PRKG1: variants seen among roughly 807,000 people sequenced by gnomAD.
PRKG1 encodes the protein protein kinase cGMP-dependent 1, also known as cGMP-dependent protein kinase 1.
Under a neutral mutation model 88.1 loss-of-function variants are expected in PRKG1, and 35 were observed. The observed-to-expected ratio is 0.40, with a 90% CI of 0.30 to 0.53. The LOEUF (loss-of-function observed/expected upper bound fraction) is 0.53. Ranked by LOEUF, PRKG1 falls within the 20% of genes least tolerant of loss-of-function variation. The pLI is 0.59. For synonymous variants in PRKG1, 303 were observed against 292.5 expected, an observed-to-expected ratio of 1.04 and a Z score of -0.37; for missense variants, 540 against 839.8, an observed-to-expected ratio of 0.64 and a Z score of 4.41.
chr10:51,869,356 TG>T (rs1841098386), intron 4 of PRKG1, among the ~76,000 whole-genome samples: 1 of 152,004 alleles, frequency 6.6e-6, no homozygotes, highest in East Asian at 1.9e-4. Context: ...TTATCAATTG[TG>T]GTCCATTATG....
intron 4 of PRKG1, among the ~76,000 whole-genome samples, chr10:51,859,374 T>C (rs1840808494): frequency 6.7e-6 from 1 of 150,160 alleles, no homozygotes; most frequent in Admixed American, 6.6e-5. Flanking sequence ...TTTCTTCATG[T>C]GAAGAGAGTA....
intron 9 of PRKG1, among the ~76,000 whole-genome samples, chr10:52,175,351 A>G (rs1344308181): frequency 6.6e-6 from 1 of 152,066 alleles, no homozygotes; most frequent in Non-Finnish European, 1.5e-5. Flanking sequence ...TCTATTTTGT[A>G]TATATACCAC....
chr10:51,065,365 T>G (rs115437026), intron 1 of PRKG1, among the ~76,000 whole-genome samples: 1 of 151,724 alleles, frequency 6.6e-6, no homozygotes, highest in Admixed American at 6.6e-5. Flanking sequence ...ATTGAGAGAG[T>G]TGAAAAAAGT....
chr10:52,280,193 TG>T (rs1262599864), intron 12 of PRKG1, among the ~76,000 whole-genome samples: 1 of 152,186 alleles, frequency 6.6e-6, no homozygotes, highest in African/African-American at 2.4e-5. Flanking sequence ...AGATATTGTT[TG>T]TTTTGGATGC....
intron 3 of PRKG1, among the ~76,000 whole-genome samples, chr10:51,586,065 A>G (rs1324629810): frequency 1.3e-5 from 2 of 152,136 alleles, no homozygotes; most frequent in African/African-American, 4.8e-5. Flanking sequence ...TGATACCCCA[A>G]GCCTCGGTAT....
intron 3 of PRKG1, among the ~76,000 whole-genome samples, chr10:51,484,224 A>T (rs1406709336): frequency 6.6e-6 from 1 of 152,046 alleles, no homozygotes; most frequent in Non-Finnish European, 1.5e-5. Flanking sequence ...TTCATAGGGG[A>T]TAGTAAATTA....
chr10:51,252,151 G>A (rs939490790), intron 2 of PRKG1, among the ~76,000 whole-genome samples: 1 of 151,750 alleles, frequency 6.6e-6, no homozygotes, highest in African/African-American at 2.4e-5. Flanking sequence ...GAGCCGCACA[G>A]ATGACAGAAG....
intron 1 of PRKG1, among the ~76,000 whole-genome samples, chr10:50,998,218 G>C (rs1387147028): frequency 6.6e-6 from 1 of 152,148 alleles, no homozygotes; most frequent in Non-Finnish European, 1.5e-5. Context: ...GGATCTGCCT[G>C]TGTTGTGTGT....
At chr10:51,630,652 C>CAT (rs2132279888) in intron 3 of PRKG1, among the ~76,000 whole-genome samples, 1 of 152,316 alleles carries the variant, frequency 6.6e-6, no homozygotes, top group East Asian at 1.9e-4. Flanking sequence ...ACCTGGATTG[C>CAT]ATACCATGGT....
chr10:51,332,351 T>C (rs547975384), intron 2 of PRKG1, among the ~76,000 whole-genome samples: 7 of 152,278 alleles, frequency 4.6e-5, no homozygotes, highest in South Asian at 2.1e-4. Flanking sequence ...CTATTCCTTA[T>C]AGAACTTGGT....
At chr10:52,166,476 C>G (rs1338111870) in intron 9 of PRKG1, among the ~76,000 whole-genome samples, 1 of 141,014 alleles carries the variant, frequency 7.1e-6, no homozygotes, top group African/African-American at 2.6e-5. Flanking sequence ...CTCTGTCGCC[C>G]AGGCTGGAGT....
At chr10:51,696,308 T>A (rs752976401) in intron 3 of PRKG1, 2 of 152,170 alleles carry the variant, frequency 1.3e-5, no homozygotes, top group Admixed American at 6.5e-5. Flanking sequence ...ACCATCTGTA[T>A]AAGAAAGCCA....
upstream of PRKG1, among the ~76,000 whole-genome samples, chr10:51,072,119 C>T (rs1420317391): frequency 2.0e-5 from 3 of 152,094 alleles, no homozygotes; most frequent in Admixed American, 6.6e-5. Flanking sequence ...CACTTGAATC[C>T]AGGAGGCGGA....
chr10:51,871,929 C>A (rs893896636), intron 4 of PRKG1, among the ~76,000 whole-genome samples: 1 of 152,118 alleles, frequency 6.6e-6, no homozygotes, highest in Non-Finnish European at 1.5e-5. Flanking sequence ...TACAAAATAT[C>A]ACAACAAGTA....
chr10:51,035,621 T>C (rs748675845), intron 1 of PRKG1, among the ~76,000 whole-genome samples: 6 of 152,186 alleles, frequency 3.9e-5, no homozygotes, highest in Non-Finnish European at 7.3e-5. Context: ...CCTAGCGCAA[T>C]CCTTTATACA....
chr10:51,214,932 C>T (rs1053925743), intron 2 of PRKG1, among the ~76,000 whole-genome samples: 3 of 152,162 alleles, frequency 2.0e-5, no homozygotes, highest in Non-Finnish European at 4.4e-5. Flanking sequence ...TGCAAATCAC[C>T]ACTGAACGGA....
chr10:51,197,362 T>A (rs973713462), intron 2 of PRKG1, among the ~76,000 whole-genome samples: 4 of 152,030 alleles, frequency 2.6e-5, no homozygotes, highest in East Asian at 1.9e-4. Context: ...AACCTCTTTC[T>A]CCTGTGTTCA....
At chr10:51,947,493 A>C (rs1843076838) in intron 5 of PRKG1, among the ~76,000 whole-genome samples, 1 of 125,218 alleles carries the variant, frequency 8.0e-6, no homozygotes, top group African/African-American at 2.7e-5. Flanking sequence ...ACTGTCTGGC[A>C]CTCCCTAGTG....
chr10:52,029,967 T>C (rs1017159274), intron 5 of PRKG1, among the ~76,000 whole-genome samples: 3 of 152,134 alleles, frequency 2.0e-5, no homozygotes, highest in Middle Eastern at 3.2e-3. Context: ...AAGAAATCCA[T>C]GCAATCATTC....
Sources: allele counts gnomAD v4.1 joint callset (sites outside exome capture counted in the v4.1 genomes callset), GRCh38; gene constraint gnomAD v4.1.1; transcripts MANE v1.5; gene names NCBI Gene and HGNC (gene_info 2026-07-23, HGNC 2026-07-21).